Variants in MYO3B observed in about 807,000 individuals in gnomAD.
MYO3B encodes myosin IIIB.
Under a neutral mutation model 174.6 loss-of-function variants are expected in MYO3B, and 156 were observed. That is an observed-to-expected ratio of 0.89 (90% confidence interval 0.78 to 1.02). The LOEUF (loss-of-function observed/expected upper bound fraction) is 1.02. MYO3B is among the 50% of genes least tolerant of loss of function. MYO3B has a pLI of 0.00. For synonymous variants in MYO3B, 563 were observed against 569.1 expected, an observed-to-expected ratio of 0.99 and a Z score of 0.15; for missense variants, 1,632 against 1,639.4, an observed-to-expected ratio of 1.00 and a Z score of 0.08.
At chr2:170,182,771 C>T (rs564997812) in intron 1 of MYO3B, among the ~76,000 whole-genome samples, 6 of 151,898 alleles carry the variant, frequency 4.0e-5, no homozygotes, top group East Asian at 2.0e-4. Context: ...GCACCACACC[C>T]GGCTAAGTTT....
In MYO3B at chr2:170,306,209, T is replaced by TA. The variant is rs1201621404; in HGVS notation, c.750-29175dup. ...CTCCAAGAGTAGGCATTCAAAGACATAGGAAGTGGAGGCTGCCATTCTTTG... is the reference window on the plus strand; with the variant it reads ...CTCCAAGAGTAGGCATTCAAAGACATAAGGAAGTGGAGGCTGCCATTCTTTG... On this transcript the variant is annotated intron_variant, in intron 7 of 34. Transcript: ENST00000408978. Among the ~76,000 whole-genome samples, 7 of 152,128 alleles carry TA rather than the reference T, an allele frequency of 4.6e-5. No homozygotes were observed. In the East Asian group the frequency reaches 1.4e-3, roughly 29 times the overall value.
At chr2:170,518,705 T>A (rs1293017904) in intron 29 of MYO3B, among the ~76,000 whole-genome samples, 1 of 152,188 alleles carries the variant, frequency 6.6e-6, no homozygotes, top group Non-Finnish European at 1.5e-5. Flanking sequence ...AGACCCTACC[T>A]GCAGAGTCTC....
intron 1 of MYO3B, among the ~76,000 whole-genome samples, chr2:170,192,083 ACCTGG>A: frequency 6.6e-6 from 1 of 152,092 alleles, no homozygotes; most frequent in East Asian, 1.9e-4. Flanking sequence ...TTTCTTCATG[ACCTGG>A]AAACCATAAA....
chr2:170,262,878 T>A (rs2093355649), intron 7 of MYO3B, among the ~76,000 whole-genome samples: 1 of 152,210 alleles, frequency 6.6e-6, no homozygotes, highest in Admixed American at 6.5e-5. Flanking sequence ...TGAATTTTTG[T>A]ATCTGTCGTA....
chr2:170,489,523 C>G (rs561758100), intron 25 of MYO3B, among the ~76,000 whole-genome samples: 1 of 152,312 alleles, frequency 6.6e-6, no homozygotes, highest in East Asian at 1.9e-4. Flanking sequence ...TTGCACAGAA[C>G]TTATCTCTAC....
At chr2:170,268,033 C>A (rs1385756635) in intron 7 of MYO3B, among the ~76,000 whole-genome samples, 2 of 152,024 alleles carry the variant, frequency 1.3e-5, no homozygotes, top group Non-Finnish European at 2.9e-5. Flanking sequence ...CATGGTGAAA[C>A]CCCGTCTCTA....
At chr2:170,308,996 G>A (rs530818578) in intron 7 of MYO3B, among the ~76,000 whole-genome samples, 6 of 152,304 alleles carry the variant, frequency 3.9e-5, no homozygotes, top group African/African-American at 1.2e-4. Flanking sequence ...TTTAAGGCCA[G>A]GGAGGCCAAT....
chr2:170,591,131 G>A (rs971443268), intron 32 of MYO3B, among the ~76,000 whole-genome samples: 15 of 152,264 alleles, frequency 9.9e-5, no homozygotes, highest in African/African-American at 2.6e-4. Flanking sequence ...TGCCTCAGGT[G>A]TAGGTAATTT....
intron 3 of MYO3B, 104 bp downstream of exon 3, chr2:170,200,388 G>C: frequency 7.7e-7 from 1 of 1,305,020 alleles, no homozygotes; most frequent in South Asian, 1.6e-5. Flanking sequence ...TTGAGGAGTA[G>C]GTCCCTCCTG....
chr2:170,345,049 T>A (rs2094006294), intron 8 of MYO3B: 1 of 152,230 alleles, frequency 6.6e-6, no homozygotes, highest in Non-Finnish European at 1.5e-5. Flanking sequence ...AGTGCAAAGC[T>A]CCCAGCTTCT....
At chr2:170,627,720 G>A (rs1312619124) in intron 32 of MYO3B, among the ~76,000 whole-genome samples, 2 of 151,974 alleles carry the variant, frequency 1.3e-5, no homozygotes, top group African/African-American at 4.8e-5. Context: ...ACCTACAGAT[G>A]GGGTTTTGGT....
intron 7 of MYO3B, among the ~76,000 whole-genome samples, chr2:170,304,860 T>A (rs1027874231): frequency 1.3e-5 from 2 of 151,986 alleles, no homozygotes; most frequent in Admixed American, 6.6e-5. Context: ...GGTATTTTTT[T>A]CCCCCAGTTT....
At chr2:170,242,180 G>A (rs368342095) in intron 7 of MYO3B, among the ~76,000 whole-genome samples, 3 of 152,084 alleles carry the variant, frequency 2.0e-5, no homozygotes, top group Admixed American at 6.6e-5. Context: ...GAATCCCCAC[G>A]ATCCAAGCTT....
At chr2:170,209,937 C>A (rs1237399649) in intron 3 of MYO3B, among the ~76,000 whole-genome samples, 2 of 152,064 alleles carry the variant, frequency 1.3e-5, no homozygotes, top group Non-Finnish European at 2.9e-5. Context: ...TTGGATACTC[C>A]AGGGCCCTCT....
At chr2:170,407,940 G>A (rs937228382) in intron 22 of MYO3B, 96 bp downstream of exon 22, 20 of 1,424,696 alleles carry the variant, frequency 1.4e-5, no homozygotes, top group South Asian at 2.5e-5. Flanking sequence ...GGGCTGCACC[G>A]CTAACATTGA....
intron 32 of MYO3B, among the ~76,000 whole-genome samples, chr2:170,550,094 G>A (rs1022632425): frequency 1.3e-5 from 2 of 152,164 alleles, no homozygotes; most frequent in Non-Finnish European, 2.9e-5. Flanking sequence ...TCATTTATGG[G>A]TAGTCTCTGA....
intron 25 of MYO3B, among the ~76,000 whole-genome samples, chr2:170,480,432 C>G (rs1016679994): frequency 1.3e-5 from 2 of 152,198 alleles, no homozygotes; most frequent in African/African-American, 4.8e-5. Context: ...CACCCTTTCC[C>G]CGGTAACTTG....
chr2:170,486,211 C>A (rs879510627), intron 25 of MYO3B, among the ~76,000 whole-genome samples: 2 of 151,740 alleles, frequency 1.3e-5, no homozygotes, highest in South Asian at 2.1e-4. Flanking sequence ...AACTTATTAT[C>A]CAAACATAAG....
At chr2:170,344,072 AT>A (rs1484892249) in intron 8 of MYO3B, 1 of 152,238 alleles carries the variant, frequency 6.6e-6, no homozygotes, top group Non-Finnish European at 1.5e-5. Flanking sequence ...TACGATTTCC[AT>A]TCCGTGGAAC....
Sources: gnomAD v4.1 joint callset for allele counts (sites outside exome capture counted in the v4.1 genomes callset) on GRCh38, gnomAD v4.1.1 for gene constraint, MANE v1.5 for transcripts, NCBI Gene and HGNC (gene_info 2026-07-23, HGNC 2026-07-21) for gene names.